Variants in KCNG4 observed in about 807,000 individuals in gnomAD.
KCNG4 encodes the protein voltage-gated potassium channel regulatory subunit KCNG4.
A neutral mutation model predicts 28.2 loss-of-function variants in KCNG4; 30 were observed. That is an observed-to-expected ratio of 1.06 (90% CI 0.80 to 1.44). The LOEUF (loss-of-function observed/expected upper bound fraction) is 1.44, where lower values mean the gene tolerates loss of function less well. Among genes scored for constraint, KCNG4 ranks in the 40% most tolerant of loss-of-function variants. The pLI, the probability that KCNG4 is intolerant of heterozygous loss-of-function variation, is 0.00. For synonymous variants in KCNG4, 375 were observed against 315.5 expected (o/e 1.19, Z -2.00); for missense variants, 879 against 712.3 (o/e 1.23, Z -2.66).
rs971081303 is a variant in KCNG4 at position 84,222,594 on chromosome 16, C to T, written c.1183G>A (p.Glu395Lys). ...FSPLVYVAEK[E>K]SGRVLEFTSI... ...GTGAACTCCAGCACCCGCCCGGACT[C>T]CTTCTCGGCCACGTAGACCAAAGGG... is the stretch of plus-strand genomic sequence containing the variant. The change falls in exon 3 of 3, where the codon GAG (glutamate) becomes AAG (lysine). Residue 395 changes from glutamate (E) to lysine (K), a missense_variant. Coordinates refer to ENST00000308251, the MANE Select transcript of KCNG4 (RefSeq NM_172347.3). 6.2e-7 allele frequency: 1 copy of T among 1,613,250 alleles called. No individual in the cohort carries two copies. Among genetic ancestry groups the T allele is most frequent in the Non-Finnish European group, 8.5e-7 (1 of 1,180,000 alleles).
intron 2 of KCNG4, chr16:84,235,729 G>A (rs1904931432): frequency 6.6e-6 from 1 of 152,220 alleles, no homozygotes; most frequent in South Asian, 2.1e-4. Flanking sequence ...GAGCCAAATA[G>A]AGCAAGCACC....
At chr16:84,235,746 C>G (rs755498886) in intron 2 of KCNG4, 1 of 152,190 alleles carries the variant, frequency 6.6e-6, no homozygotes, top group East Asian at 1.9e-4. Context: ...CACCATCTTA[C>G]GTATGTGTTT....
Position 84,237,129 on chromosome 16 carries a change from G to A in KCNG4, c.357C>T (p.Ala119=), listed in dbSNP as rs1197165473. ...CCAGGAAGCTCACGATCACCCCGAAGGCGCTGGGGCTCCTGTCGAAGAAGA... is the reference window on the plus strand; with the variant it reads ...CCAGGAAGCTCACGATCACCCCGAAAGCGCTGGGGCTCCTGTCGAAGAAGA... ...QEFFFDRSPS[A]FGVIVSFLAA... Residue 119 remains alanine (A), a synonymous_variant, in exon 2 of 3, where the codon GCC becomes GCT. Transcript: ENST00000308251. 4 of 1,614,050 alleles carry A rather than the reference G, an allele frequency of 2.5e-6. No individual in the cohort carries two copies. The highest frequency in any genetic ancestry group is 2.5e-6 in the Non-Finnish European group (3 of 1,180,050).
chr16:84,229,440 A>G (rs1227857035), intron 2 of KCNG4, among the ~76,000 whole-genome samples: 1 of 152,240 alleles, frequency 6.6e-6, no homozygotes, highest in East Asian at 1.9e-4. Context: ...AAACAGGGAA[A>G]TGACTAGCAC....
intron 2 of KCNG4, among the ~76,000 whole-genome samples, chr16:84,224,547 A>G (rs12447573): frequency 0.089 from 13,591 of 152,284 alleles, 666 homozygotes; most frequent in Middle Eastern, 0.12. Context: ...ATGCTCTGAA[A>G]TGGAAAAAGA....
At position 84,237,236 on chromosome 16, in the gene KCNG4, G is replaced by C. The variant is rs768004561; in HGVS notation, c.250C>G (p.Arg84Gly). The change falls in exon 2 of 3, where the codon CGC becomes GGC. Residue 84 changes from arginine (R) to glycine (G), a missense_variant. Physicochemically the swap from Arg to Gly is moderately radical, Grantham distance 125. Transcript: ENST00000308251. ...WSTLDRFPLS[R>G]LSKLRLCRSY... ...CGACAGAGCCTGAGTTTGCTCAGGC[G>C]GCTCAGCGGGAACCGGTCCAGTGTG... The C allele has an allele frequency of 6.2e-7, 1 of 1,614,044 alleles. No individual in the cohort carries two copies. Among genetic ancestry groups the C allele is most frequent in the Non-Finnish European group, 8.5e-7 (1 of 1,180,008 alleles).
chr16:84,227,003 T>C (rs1054228511), intron 2 of KCNG4, among the ~76,000 whole-genome samples: 19 of 151,542 alleles, frequency 1.3e-4, no homozygotes, highest in Non-Finnish European at 2.4e-4. Context: ...AAGTTCTCCA[T>C]GATGAAAAGT....
intron 2 of KCNG4, chr16:84,236,420 C>T (rs760896422): frequency 4.4e-6 from 2 of 453,632 alleles, no homozygotes; most frequent in Non-Finnish European, 7.7e-6. Flanking sequence ...GTCACAGACT[C>T]GGGAGAGCTG....
intron 1 of KCNG4, among the ~76,000 whole-genome samples, chr16:84,238,116 T>G (rs1905019110): frequency 6.6e-6 from 1 of 152,160 alleles, no homozygotes. Context: ...TGCAGTAATA[T>G]ACAAGAAAGT....
intron 2 of KCNG4, among the ~76,000 whole-genome samples, chr16:84,234,826 A>C (rs1904908712): frequency 6.6e-6 from 1 of 152,196 alleles, no homozygotes; most frequent in African/African-American, 2.4e-5. Context: ...GGAAGAGGAC[A>C]TCATCCTTTT....
rs757359968 is a variant in KCNG4 at position 84,237,372 on chromosome 16, G to T, written c.114C>A (p.Gly38=). The change falls in exon 2 of 3, where the codon GGC becomes GGA. Residue 38 remains glycine, a synonymous_variant. Coordinates refer to ENST00000308251, the MANE Select transcript of KCNG4 (RefSeq NM_172347.3). The part of the protein sequence containing the change: ...SSPMETPSIK[G]LYYRRVRKVG... ...CCTTCCGCACCCTCCGGTAGTAAAG[G>T]CCCTTGATGGACGGCGTCTCCATGG... 6.5e-7 allele frequency: 1 copy of T among 1,542,068 alleles called. No individual in the cohort carries two copies. Among genetic ancestry groups the T allele is most frequent in the South Asian group, 1.3e-5 (1 of 78,264 alleles).
At chr16:84,227,021 A>G (rs887461971) in intron 2 of KCNG4, among the ~76,000 whole-genome samples, 2 of 152,202 alleles carry the variant, frequency 1.3e-5, no homozygotes, top group African/African-American at 4.8e-5. Context: ...AGTTAAAAAA[A>G]AAAAGGATAA....
intron 1 of KCNG4, 126 bp from the exon 2 acceptor site, chr16:84,237,651 T>C (rs1905008159): frequency 1.8e-6 from 1 of 559,514 alleles, no homozygotes; most frequent in Non-Finnish European, 2.8e-6. Flanking sequence ...GCATGGCTTG[T>C]TCTTTTAACC....
At chr16:84,237,575 G>C (rs1193789693) in intron 1 of KCNG4, 50 bp from the exon 2 acceptor site, 25 of 1,321,798 alleles carry the variant, frequency 1.9e-5, no homozygotes, top group Non-Finnish European at 2.4e-5. Context: ...AATCAGTCTT[G>C]GGGCAAAGAG....
At chr16:84,232,658 G>C (rs937188314) in intron 2 of KCNG4, among the ~76,000 whole-genome samples, 9 of 152,124 alleles carry the variant, frequency 5.9e-5, no homozygotes, top group Admixed American at 4.6e-4. Flanking sequence ...CCAACGCTTT[G>C]GGAGGCCGAG....
In KCNG4 at chr16:84,226,968, A is replaced by T. The variant is rs1904712301; in HGVS notation, c.757-3948T>A. On this transcript the variant is annotated intron_variant, in intron 2 of 2. Coordinates refer to ENST00000308251, the MANE Select transcript of KCNG4 (RefSeq NM_172347.3). This position sits in a 1 kb window ranked among gnomAD's most constrained non-coding sequence, Gnocchi z 4.1. ...TGGTTTCCCAGAAGTTCCTTATATT[A>T]TTCTATTTACCTTGTAAATGTCTGA... 6.6e-6 allele frequency among the ~76,000 whole-genome samples: 1 copy of T among 152,122 alleles called. No homozygotes were observed. Among genetic ancestry groups the T allele is most frequent in the Non-Finnish European group, 1.5e-5 (1 of 68,012 alleles).
intron 2 of KCNG4, among the ~76,000 whole-genome samples, chr16:84,228,686 A>G (rs1272137722): frequency 6.6e-6 from 1 of 150,516 alleles, no homozygotes; most frequent in East Asian, 2.0e-4. Flanking sequence ...TGCTGGAACC[A>G]ACCGGACGGG....
chr16:84,222,930 G>GGA lies in KCNG4; in HGVS notation c.845_846dup (p.Gln283SerfsTer14), dbSNP rs757534055. The GGA allele has an allele frequency of 6.2e-7, 1 of 1,600,624 alleles. No individual in the cohort carries two copies. Among genetic ancestry groups the GGA allele is most frequent in the Non-Finnish European group, 8.5e-7 (1 of 1,172,512 alleles). On this transcript the variant is annotated frameshift_variant, in exon 3 of 3. Transcript: ENST00000308251. LOFTEE classifies it high-confidence loss of function. ...AAGAACTGACACTTGTCTTGGGCCTGGACAAACCGCAGGCAGAACTCCAGG... is the reference window on the plus strand; with the variant it reads ...AAGAACTGACACTTGTCTTGGGCCTGGAGACAAACCGCAGGCAGAACTCCAGG...
Position 84,239,992 on chromosome 16 carries a change from G to A in KCNG4, c.-363C>T, listed in dbSNP as rs945199510. On this transcript the variant is annotated 5_prime_UTR_variant, in exon 1 of 3. Transcript: ENST00000308251. ...ATGAGGGTCTGGGGGTTCTTGCTGG[G>A]AGGGAGCCAGGGCAGCTGTCCTGGT... Among the ~76,000 whole-genome samples the A allele has an allele frequency of 1.3e-5, 2 of 151,974 alleles. No individual in the cohort carries two copies. Among genetic ancestry groups the A allele is most frequent in the Admixed American group, 6.6e-5 (1 of 15,254 alleles).
Sources: gnomAD v4.1 joint callset for allele counts (sites outside exome capture counted in the v4.1 genomes callset) on GRCh38, gnomAD v4.1.1 for gene constraint, Gnocchi (gnomAD v3.1) non-coding constraint, MANE v1.5 for transcripts, NCBI Gene and HGNC (gene_info 2026-07-23, HGNC 2026-07-21) for gene names.